The following TRPM3 variants were observed in gnomAD, a reference collection of about 807,000 sequenced individuals.
The protein encoded by TRPM3 is long transient receptor potential channel 3.
In TRPM3, 77 loss-of-function variants were observed where a neutral mutation model predicts 181.2. That is an observed-to-expected ratio of 0.42 (90% CI 0.35 to 0.51). TRPM3 has a LOEUF of 0.51. TRPM3 is among the 20% of genes least tolerant of loss of function. TRPM3 has a pLI of 0.01. For missense variants in TRPM3, 1,759 were observed against 2,196.7 expected, an observed-to-expected ratio of 0.80 and a Z score of 3.98; for synonymous variants, 745 against 796.4, an observed-to-expected ratio of 0.94 and a Z score of 1.09.
chr9:71,179,046 G>C (rs897600666), intron 1 of TRPM3, among the ~76,000 whole-genome samples: 1 of 152,118 alleles, frequency 6.6e-6, no homozygotes, highest in Non-Finnish European at 1.5e-5. Flanking sequence ...TGATGAACTT[G>C]ATTTATAGGG....
At chr9:71,027,613 C>T (rs1419245729) in intron 1 of TRPM3, among the ~76,000 whole-genome samples, 1 of 152,130 alleles carries the variant, frequency 6.6e-6, no homozygotes, top group Non-Finnish European at 1.5e-5. Flanking sequence ...GGATCAAAAT[C>T]AACATAATCA....
intron 1 of TRPM3, among the ~76,000 whole-genome samples, chr9:71,030,526 T>C (rs1349779005): frequency 1.3e-5 from 2 of 151,462 alleles, no homozygotes; most frequent in African/African-American, 2.4e-5. Flanking sequence ...GATCATGCCA[T>C]TGCACTCCAG....
intron 1 of TRPM3, among the ~76,000 whole-genome samples, chr9:70,871,233 A>G (rs1287522912): frequency 6.6e-6 from 1 of 151,966 alleles, no homozygotes; most frequent in East Asian, 1.9e-4. Flanking sequence ...GAGACTAAAT[A>G]AATTGATTGT....
At chr9:70,790,843 C>T (rs769014639) in intron 6 of TRPM3, among the ~76,000 whole-genome samples, 14 of 152,040 alleles carry the variant, frequency 9.2e-5, no homozygotes, top group Non-Finnish European at 1.8e-4. Flanking sequence ...GTTGTGAATA[C>T]ATGAATATTC....
intron 22 of TRPM3, among the ~76,000 whole-genome samples, chr9:70,573,119 C>G (rs975494470): frequency 6.6e-6 from 1 of 151,864 alleles, no homozygotes; most frequent in Admixed American, 6.6e-5. Context: ...TATAAGTGTT[C>G]AGACACAACA....
intron 1 of TRPM3, among the ~76,000 whole-genome samples, chr9:71,420,876 AAGGAGG>A (rs2093746683): frequency 7.1e-5 from 3 of 42,042 alleles, no homozygotes; most frequent in African/African-American, 1.4e-4. Context: ...AGGGAGAGAA[AAGGAGG>A]GAGAGAAAAA....
intron 6 of TRPM3, among the ~76,000 whole-genome samples, chr9:70,814,802 C>A (rs565364554): frequency 6.6e-6 from 1 of 152,148 alleles, no homozygotes; most frequent in East Asian, 1.9e-4. Context: ...GAAAGGCACC[C>A]AACTCCTAGG....
At chr9:71,034,378 G>A (rs1393958183) in intron 1 of TRPM3, among the ~76,000 whole-genome samples, 1 of 152,078 alleles carries the variant, frequency 6.6e-6, no homozygotes, top group Non-Finnish European at 1.5e-5. Context: ...AAATCTTACT[G>A]TTCTATTGAG....
At chr9:70,787,717 G>A (rs147878241) in intron 6 of TRPM3, among the ~76,000 whole-genome samples, 1 of 146,286 alleles carries the variant, frequency 6.8e-6, no homozygotes, top group African/African-American at 2.5e-5. Context: ...ATACATGTGG[G>A]TAGACACAAA....
intron 9 of TRPM3, among the ~76,000 whole-genome samples, chr9:70,655,709 T>C (rs898308205): frequency 7.2e-5 from 11 of 152,190 alleles, no homozygotes; most frequent in African/African-American, 2.7e-4. Flanking sequence ...CTTTTTCTCT[T>C]TGTACCTTAT....
intron 1 of TRPM3, among the ~76,000 whole-genome samples, chr9:71,429,137 T>C (rs1444089814): frequency 4.6e-5 from 7 of 152,188 alleles, no homozygotes; most frequent in Non-Finnish European, 8.8e-5. Flanking sequence ...TCTCCTTAAC[T>C]CATTTCTCCC....
At chr9:70,967,194 T>C (rs2097194041) in intron 1 of TRPM3, among the ~76,000 whole-genome samples, 2 of 152,082 alleles carry the variant, frequency 1.3e-5, no homozygotes, top group African/African-American at 2.4e-5. Flanking sequence ...ATTTTAATTC[T>C]GCATAATTCC....
chr9:71,446,144 T>C (rs1232983403), intron 1 of TRPM3, among the ~76,000 whole-genome samples: 2 of 152,188 alleles, frequency 1.3e-5, no homozygotes, highest in Non-Finnish European at 2.9e-5. Flanking sequence ...CTATTCTCTG[T>C]ATGCAAATGA....
intron 1 of TRPM3, among the ~76,000 whole-genome samples, chr9:71,279,042 AATAAAAATAAAAATAAAAAT>A (rs1565414161): frequency 8.0e-6 from 1 of 125,498 alleles, no homozygotes; most frequent in African/African-American, 4.0e-5. Context: ...GGTTAAAAAA[AATAAAAATAAAAATAAAAAT>A]AAAAAAACCA....
intron 3 of TRPM3, among the ~76,000 whole-genome samples, chr9:70,852,215 T>C (rs2095259820): frequency 6.6e-6 from 1 of 151,152 alleles, no homozygotes; most frequent in Non-Finnish European, 1.5e-5. Flanking sequence ...AAGAACCTTG[T>C]GTATTTACTG....
intron 1 of TRPM3, among the ~76,000 whole-genome samples, chr9:70,897,778 ATAAT>A (rs1389920642): frequency 6.6e-6 from 1 of 152,178 alleles, no homozygotes; most frequent in East Asian, 1.9e-4. Context: ...TGGTGCAAAA[ATAAT>A]TACTTTTGCA....
chr9:71,385,198 T>C (rs568569478), intron 1 of TRPM3, among the ~76,000 whole-genome samples: 2 of 152,288 alleles, frequency 1.3e-5, no homozygotes, highest in Admixed American at 1.3e-4. Context: ...CATGAGAAGG[T>C]AGAATAACAC....
At chr9:70,901,435 AAC>A (rs1419045691) in intron 1 of TRPM3, among the ~76,000 whole-genome samples, 1 of 152,154 alleles carries the variant, frequency 6.6e-6, no homozygotes, top group Non-Finnish European at 1.5e-5. Context: ...TTATTAATAT[AAC>A]AGTTAACTTT....
Position 70,531,642 on chromosome 9 carries a change from AAATG to A in TRPM3, c.*4307_*4310del, listed in dbSNP as rs2131540918. On this transcript the variant is annotated 3_prime_UTR_variant, in exon 26 of 26. Coordinates refer to ENST00000677713, the MANE Select transcript of TRPM3 (RefSeq NM_001366145.2). The stretch of plus-strand genomic sequence containing the variant: ...TATCTAGAAACAACATAGTGTTACT[AAATG>A]AACATATTTATAAAATACTGTACAC... 1 of 152,366 alleles carries A rather than the reference AAATG, an allele frequency of 6.6e-6. No homozygotes were observed. Among genetic ancestry groups the A allele is most frequent in the East Asian group, 1.9e-4 (1 of 5,192 alleles). The allele number at this position is 152,366 out of a possible 1,614,324, so 9.4% of individuals were successfully genotyped here. A position where few individuals can be genotyped will look rare whatever the true frequency, so the allele number is the denominator to read the frequency against.
Sources: allele counts gnomAD v4.1 joint callset (sites outside exome capture counted in the v4.1 genomes callset), GRCh38; gene constraint gnomAD v4.1.1; transcripts MANE v1.5; gene names NCBI Gene and HGNC (gene_info 2026-07-23, HGNC 2026-07-21).